The following PKHD1 variants were observed in gnomAD, a reference collection of about 807,000 sequenced individuals.
The protein encoded by PKHD1 is PKHD1 ciliary IPT domain containing fibrocystin/polyductin.
PKHD1 carries 291 observed loss-of-function variants against 412.0 expected under a neutral mutation model. That is an observed-to-expected ratio of 0.71 (90% CI 0.64 to 0.78). The LOEUF (loss-of-function observed/expected upper bound fraction) is 0.78. Among genes scored for constraint, PKHD1 ranks in the 30% least tolerant of loss-of-function variants. The pLI is 0.00. For missense variants in PKHD1, 4,825 were observed against 4,950.7 expected (o/e 0.97, Z 0.76); for synonymous variants, 1,777 against 1,821.5 (o/e 0.98, Z 0.62).
chr6:51,633,504 T>C (rs540999636), intron 64 of PKHD1, among the ~76,000 whole-genome samples: 1 of 151,974 alleles, frequency 6.6e-6, no homozygotes, highest in African/African-American at 2.4e-5. Flanking sequence ...CTACAGTTTA[T>C]CTAGACAATG....
At chr6:52,070,536 T>C (rs1219565551) in intron 9 of PKHD1, 91 bp from the exon 10 acceptor site, 1 of 899,642 alleles carries the variant, frequency 1.1e-6, no homozygotes, top group Non-Finnish European at 1.8e-6. Context: ...GACTCCAATA[T>C]CATCAAATTA....
At chr6:51,683,157 T>C (rs1488811618) in intron 60 of PKHD1, among the ~76,000 whole-genome samples, 1 of 152,044 alleles carries the variant, frequency 6.6e-6, no homozygotes, top group African/African-American at 2.4e-5. Flanking sequence ...ACAAATAAGA[T>C]TCTGGCTCAG....
chr6:52,070,553 A>G (rs1316290197), intron 9 of PKHD1, 108 bp from the exon 10 acceptor site: 2 of 798,854 alleles, frequency 2.5e-6, no homozygotes, highest in Non-Finnish European at 4.3e-6. Flanking sequence ...ATTACCACCC[A>G]AACCTGTAAT....
chr6:51,678,269 A>G (rs1203616338), intron 60 of PKHD1, among the ~76,000 whole-genome samples: 1 of 152,174 alleles, frequency 6.6e-6, no homozygotes, highest in Non-Finnish European at 1.5e-5. Context: ...AGGGATTGGA[A>G]ATGGTACTTA....
chr6:51,951,897 G>A (rs1190690466), intron 36 of PKHD1, among the ~76,000 whole-genome samples: 1 of 152,148 alleles, frequency 6.6e-6, no homozygotes, highest in Non-Finnish European at 1.5e-5. Context: ...CAGGCTAATG[G>A]AAAGCCAATG....
At chr6:51,972,953 T>C (rs1322335847) in intron 35 of PKHD1, among the ~76,000 whole-genome samples, 1 of 152,156 alleles carries the variant, frequency 6.6e-6, no homozygotes, top group African/African-American at 2.4e-5. Flanking sequence ...ACCCTCCATG[T>C]CAGGATCAAA....
At chr6:51,800,393 A>T (rs1332814462) in intron 52 of PKHD1, among the ~76,000 whole-genome samples, 1 of 152,232 alleles carries the variant, frequency 6.6e-6, no homozygotes, top group African/African-American at 2.4e-5. Context: ...CAACAACAAC[A>T]ACAAAAAAGA....
chr6:52,008,435 A>G (rs1799366690), intron 35 of PKHD1, among the ~76,000 whole-genome samples: 1 of 152,136 alleles, frequency 6.6e-6, no homozygotes, highest in African/African-American at 2.4e-5. Context: ...ATATTTTTTA[A>G]ATCTCCTTCA....
intron 65 of PKHD1, among the ~76,000 whole-genome samples, chr6:51,631,485 C>A (rs184030240): frequency 6.6e-6 from 1 of 152,296 alleles, no homozygotes; most frequent in Non-Finnish European, 1.5e-5. Context: ...CCAAGCCCAG[C>A]AAATGTTGTA....
At chr6:51,663,741 T>C (rs1171098931) in intron 60 of PKHD1, among the ~76,000 whole-genome samples, 2 of 152,186 alleles carry the variant, frequency 1.3e-5, no homozygotes, top group South Asian at 2.1e-4. Context: ...AGCATAACAA[T>C]AATAATTGAG....
At chr6:51,859,876 T>C (rs534775196) in intron 48 of PKHD1, among the ~76,000 whole-genome samples, 1 of 152,362 alleles carries the variant, frequency 6.6e-6, no homozygotes, top group East Asian at 1.9e-4. Context: ...TTGGAAACAT[T>C]GCACCTTCCT....
intron 60 of PKHD1, among the ~76,000 whole-genome samples, chr6:51,666,725 C>T (rs1239136417): frequency 1.0e-4 from 14 of 135,324 alleles, no homozygotes; most frequent in East Asian, 4.5e-4. Context: ...CCCCAGAGTG[C>T]GATGTTCCTC....
chr6:51,843,425 T>C (rs1008444771), intron 50 of PKHD1, among the ~76,000 whole-genome samples: 3 of 152,304 alleles, frequency 2.0e-5, no homozygotes, highest in African/African-American at 7.2e-5. Flanking sequence ...TGACTAATTA[T>C]TTCATAGCGT....
At chr6:51,836,542 AAAG>A (rs1769263251) in intron 50 of PKHD1, 73 bp from the exon 51 acceptor site, 12 of 1,090,424 alleles carry the variant, frequency 1.1e-5, no homozygotes, top group Non-Finnish European at 1.6e-5. Flanking sequence ...ACACGTGAGA[AAAG>A]AAGAATTTAT....
chr6:51,770,768 T>C (rs1203571965), intron 55 of PKHD1, among the ~76,000 whole-genome samples: 1 of 152,092 alleles, frequency 6.6e-6, no homozygotes, highest in Non-Finnish European at 1.5e-5. Flanking sequence ...TGGCTATAGT[T>C]CCAGATTTTT....
rs9463701 is a variant in PKHD1 at position 51,649,389 on chromosome 6, T to C, written c.11175-169A>G. On this transcript the variant is annotated intron_variant, in intron 61 of 66. Coordinates refer to ENST00000371117, the MANE Select transcript of PKHD1 (RefSeq NM_138694.4). ...GGCTTTATAGCAAAGGTTAATTGTG[T>C]ATGTATTTGATATGTTTTCTTAGCT... Among the ~76,000 whole-genome samples the C allele has an allele frequency of 0.059, 9,042 of 152,188 alleles. 918 individuals are homozygous for C. The highest frequency in any genetic ancestry group is 0.21 in the African/African-American group (8,527 of 41,482).
intron 49 of PKHD1, among the ~76,000 whole-genome samples, chr6:51,853,707 C>T (rs181212845): frequency 1.3e-4 from 20 of 152,172 alleles, no homozygotes; most frequent in African/African-American, 4.3e-4. Context: ...TTGGTCAATT[C>T]GGCTGTTGAT....
chr6:51,844,967 C>T (rs1253174103), intron 50 of PKHD1, among the ~76,000 whole-genome samples: 2 of 152,278 alleles, frequency 1.3e-5, no homozygotes, highest in East Asian at 1.9e-4. Context: ...TCTTGACTTA[C>T]ACCATCTGCA....
chr6:52,046,202 T>C lies in PKHD1; in HGVS notation c.2408-14A>G, dbSNP rs751958307. ...GTACAGGGACATCTGTGAGAGAAGG[T>C]TTTGATACAGAAAACACAGACACTA... is the stretch of plus-strand genomic sequence containing the variant. On this transcript the variant is annotated splice_polypyrimidine_tract_variant and intron_variant, in intron 23 of 66. Coordinates refer to ENST00000371117, the MANE Select transcript of PKHD1 (RefSeq NM_138694.4). 1.9e-6 allele frequency: 3 copies of C among 1,596,376 alleles called. No individual in the cohort carries two copies. Among genetic ancestry groups the C allele is most frequent in the South Asian group, 2.2e-5 (2 of 90,734 alleles).
Sources: gnomAD v4.1 joint callset for allele counts (sites outside exome capture counted in the v4.1 genomes callset) on GRCh38, gnomAD v4.1.1 for gene constraint, MANE v1.5 for transcripts, NCBI Gene and HGNC (gene_info 2026-07-23, HGNC 2026-07-21) for gene names.